CELF4: variants seen among roughly 807,000 people sequenced by gnomAD.
CELF4 encodes the protein CUG-BP- and ETR-3-like factor 4.
In CELF4, 18 loss-of-function variants were observed where a neutral mutation model predicts 59.9. The observed-to-expected ratio is 0.30, with a 90% CI of 0.21 to 0.45. CELF4 has a LOEUF of 0.45. CELF4 is among the 20% of genes least tolerant of loss of function. The pLI is 1.00. For synonymous variants in CELF4, 261 were observed against 267.1 expected (o/e 0.98, Z 0.22); for missense variants, 456 against 689.0 (o/e 0.66, Z 3.79).
intron 2 of CELF4, among the ~76,000 whole-genome samples, chr18:37,366,747 TG>T (rs1197336126): frequency 6.6e-6 from 1 of 152,092 alleles, no homozygotes; most frequent in Non-Finnish European, 1.5e-5. Context: ...GTAGCATCCT[TG>T]GGGTCACAGA....
intron 1 of CELF4, among the ~76,000 whole-genome samples, chr18:37,549,631 T>C (rs974297700): frequency 6.6e-6 from 1 of 152,224 alleles, no homozygotes; most frequent in African/African-American, 2.4e-5. Flanking sequence ...AGGTATCAAC[T>C]GTACCTGGTT....
intron 2 of CELF4, among the ~76,000 whole-genome samples, chr18:37,477,634 C>T (rs1238617613): frequency 1.3e-5 from 2 of 152,186 alleles, no homozygotes; most frequent in African/African-American, 2.4e-5. Context: ...TCTCTCTCAT[C>T]TGAACTCCTG....
intron 9 of CELF4, among the ~76,000 whole-genome samples, chr18:37,265,731 T>A (rs1004770265): frequency 3.9e-5 from 6 of 152,112 alleles, no homozygotes; most frequent in African/African-American, 1.4e-4. Context: ...TGACAGCACC[T>A]CCTCTGGGCT....
At chr18:37,536,362 G>A (rs1272497381) in intron 1 of CELF4, among the ~76,000 whole-genome samples, 4 of 152,082 alleles carry the variant, frequency 2.6e-5, no homozygotes, top group Non-Finnish European at 5.9e-5. Flanking sequence ...GGAACCTGAA[G>A]GACTGGAAAC....
intron 2 of CELF4, among the ~76,000 whole-genome samples, chr18:37,482,020 T>C (rs1203560654): frequency 1.3e-5 from 2 of 152,254 alleles, no homozygotes; most frequent in Non-Finnish European, 2.9e-5. Context: ...TAGTAAGCAC[T>C]TAAAAATACT....
At position 37,244,337 on chromosome 18, in the gene CELF4, C is replaced by T. The variant is rs909845910; in HGVS notation, c.*905G>A. The T allele has an allele frequency of 6.6e-6, 1 of 152,356 alleles. No homozygotes were observed. The highest frequency in any genetic ancestry group is 1.5e-5 in the Non-Finnish European group (1 of 68,002). 9.4% of individuals were successfully genotyped at this position (152,356 alleles called of 1,614,324 possible). On this transcript the variant is annotated 3_prime_UTR_variant, in exon 13 of 13. Coordinates refer to ENST00000420428, the MANE Select transcript of CELF4 (RefSeq NM_020180.4). ...TGCTTGGTAAGTCCCATTTGTTCCCCTCCTTGTTTTCTCACACTTCACGGG... is the reference window on the plus strand; with the variant it reads ...TGCTTGGTAAGTCCCATTTGTTCCCTTCCTTGTTTTCTCACACTTCACGGG...
At chr18:37,435,336 GGTGTCCA>G (rs1303713787) in intron 2 of CELF4, among the ~76,000 whole-genome samples, 1 of 152,176 alleles carries the variant, frequency 6.6e-6, no homozygotes, top group East Asian at 1.9e-4. Context: ...CAGCCTGTCT[GGTGTCCA>G]TGTGCACATG....
intron 3 of CELF4, among the ~76,000 whole-genome samples, chr18:37,312,361 C>T (rs1303475950): frequency 6.6e-6 from 1 of 152,132 alleles, no homozygotes; most frequent in Non-Finnish European, 1.5e-5. Flanking sequence ...TTCAGCCCTT[C>T]CTAAACTTTC....
At position 37,461,767 on chromosome 18, in the gene CELF4, C is replaced by T. The variant is rs976637624; in HGVS notation, c.369+23758G>A. ...CAGTGAGTGGCTGCCATTTCCCCCT[C>T]GTCTTGGCAGCCCTGCAAAGGACCG... On this transcript the variant is annotated intron_variant, in intron 2 of 12. Transcript: ENST00000420428. Among the ~76,000 whole-genome samples the T allele has an allele frequency of 4.0e-4, 61 of 152,190 alleles. 1 individual carries two copies. Among genetic ancestry groups the T allele is most frequent in the Admixed American group, 3.9e-3 (60 of 15,284 alleles).
chr18:37,519,945 A>C (rs1180517383), intron 1 of CELF4, among the ~76,000 whole-genome samples: 1 of 152,172 alleles, frequency 6.6e-6, no homozygotes, highest in East Asian at 1.9e-4. Context: ...GTGGGAGACA[A>C]GGGGTTCCTT....
intron 6 of CELF4, chr18:37,273,437 G>T: frequency 3.4e-6 from 4 of 1,183,558 alleles, no homozygotes; most frequent in South Asian, 5.9e-5. Context: ...GACTGGCTCT[G>T]TGGGTGCTAG....
chr18:37,349,669 GA>G (rs1404816549), intron 2 of CELF4, among the ~76,000 whole-genome samples: 1 of 152,174 alleles, frequency 6.6e-6, no homozygotes, highest in East Asian at 1.9e-4. Context: ...GGTGAGCTAA[GA>G]CCCAGACAGC....
At chr18:37,268,206 G>A (rs150922368) in intron 8 of CELF4, among the ~76,000 whole-genome samples, 30 of 152,270 alleles carry the variant, frequency 2.0e-4, no homozygotes, top group African/African-American at 7.2e-4. Context: ...CTGAAGATGA[G>A]CCACAATGCA....
At chr18:37,320,835 A>G (rs1039631352) in intron 3 of CELF4, among the ~76,000 whole-genome samples, 1 of 151,858 alleles carries the variant, frequency 6.6e-6, no homozygotes, top group Non-Finnish European at 1.5e-5. Context: ...CTTCTACCCT[A>G]TGGGGCTGGG....
chr18:37,311,553 G>A (rs928535947), intron 3 of CELF4, among the ~76,000 whole-genome samples: 20 of 152,202 alleles, frequency 1.3e-4, no homozygotes, highest in African/African-American at 4.8e-4. Flanking sequence ...ACTTTGGGAG[G>A]CTGAGGCGGG....
At chr18:37,481,040 G>A (rs995265498) in intron 2 of CELF4, among the ~76,000 whole-genome samples, 65 of 152,268 alleles carry the variant, frequency 4.3e-4, no homozygotes, top group Non-Finnish European at 7.4e-5. Context: ...GAATTTCCAT[G>A]GAAGTGACCC....
chr18:37,256,649 G>C (rs551007527), intron 11 of CELF4, among the ~76,000 whole-genome samples: 2 of 149,406 alleles, frequency 1.3e-5, no homozygotes, highest in South Asian at 2.1e-4. Context: ...GCAGTGGTGT[G>C]ATCTCGGCTA....
intron 3 of CELF4, among the ~76,000 whole-genome samples, chr18:37,312,110 C>CAAAAAAAA (rs59872500): frequency 7.9e-5 from 4 of 50,726 alleles, no homozygotes; most frequent in Non-Finnish European, 1.2e-4. Flanking sequence ...GATTCCGTCT[C>CAAAAAAAA]AAAAAAAAAA....
chr18:37,502,568 G>C (rs751920268), intron 1 of CELF4, among the ~76,000 whole-genome samples: 1 of 152,230 alleles, frequency 6.6e-6, no homozygotes, highest in Non-Finnish European at 1.5e-5. Context: ...AGCAAGGCTA[G>C]TATCTGCTTT....
Sources: gnomAD v4.1 joint callset for allele counts (sites outside exome capture counted in the v4.1 genomes callset) on GRCh38, gnomAD v4.1.1 for gene constraint, MANE v1.5 for transcripts, NCBI Gene and HGNC (gene_info 2026-07-23, HGNC 2026-07-21) for gene names.